Variants in MARCHF1 observed in about 807,000 individuals in gnomAD.
MARCHF1 encodes membrane associated ring-CH-type finger 1, also known as E3 ubiquitin-protein ligase MARCHF1.
Under a neutral mutation model 54.2 loss-of-function variants are expected in MARCHF1, and 40 were observed. The observed-to-expected ratio is 0.74, with a 90% CI of 0.57 to 0.96. The LOEUF (loss-of-function observed/expected upper bound fraction) is 0.96, where lower values mean the gene tolerates loss of function less well. Ranked by LOEUF, MARCHF1 falls within the 40% of genes least tolerant of loss-of-function variation. The pLI is 0.00. For missense variants in MARCHF1, 586 were observed against 656.5 expected (o/e 0.89, Z 1.17); for synonymous variants, 236 against 236.3 (o/e 1.00, Z 0.01).
At chr4:163,978,098 T>C (rs1056368351) in intron 3 of MARCHF1, among the ~76,000 whole-genome samples, 3 of 152,230 alleles carry the variant, frequency 2.0e-5, no homozygotes, top group Non-Finnish European at 4.4e-5. Context: ...AATTCTGAGA[T>C]TGACACCAAA....
intron 1 of MARCHF1, among the ~76,000 whole-genome samples, chr4:164,211,692 A>C (rs1731779073): frequency 1.3e-5 from 2 of 151,996 alleles, no homozygotes; most frequent in Non-Finnish European, 2.9e-5. Context: ...CCTTATAGAA[A>C]CTTGACAATG....
At chr4:163,958,687 T>C (rs770723952) in intron 3 of MARCHF1, among the ~76,000 whole-genome samples, 5 of 151,984 alleles carry the variant, frequency 3.3e-5, no homozygotes, top group Admixed American at 6.6e-5. Context: ...TTTTTTTATA[T>C]TGCTTAGTTG....
At chr4:164,276,980 A>G (rs1200346791) in intron 1 of MARCHF1, among the ~76,000 whole-genome samples, 4 of 149,774 alleles carry the variant, frequency 2.7e-5, no homozygotes, top group Non-Finnish European at 5.9e-5. Flanking sequence ...AGAGAGAGAG[A>G]GAAAATATAT....
rs56078371 is a variant in MARCHF1, at chr4:163,733,256, T to C, written c.112-32393A>G. ...ATATATATATACACGTGTATATATA[T>C]ATACACACACACACACACACAGACA... On this transcript the variant is annotated intron_variant, in intron 4 of 9. Coordinates refer to ENST00000514618, the MANE Select transcript of MARCHF1 (RefSeq NM_001394959.1). 8.3e-3 allele frequency among the ~76,000 whole-genome samples: 359 copies of C among 43,126 alleles called. 48 individuals carry two copies. Among genetic ancestry groups the C allele is most frequent in the Non-Finnish European group, 0.017 (269 of 15,502 alleles). 28.3% of individuals were successfully genotyped at this position (43,126 alleles called of 152,430 possible).
chr4:163,927,200 G>T (rs1466886990), intron 3 of MARCHF1, among the ~76,000 whole-genome samples: 1 of 151,732 alleles, frequency 6.6e-6, no homozygotes, highest in Non-Finnish European at 1.5e-5. Flanking sequence ...GATGTGATTA[G>T]TGTTCCCTTC....
intron 1 of MARCHF1, among the ~76,000 whole-genome samples, chr4:164,277,544 T>A (rs1733918486): frequency 6.6e-6 from 1 of 152,240 alleles, no homozygotes; most frequent in Admixed American, 6.5e-5. Flanking sequence ...ATTCTGTACA[T>A]GTTCTTCCTC....
intron 2 of MARCHF1, among the ~76,000 whole-genome samples, chr4:163,995,894 G>T (rs770779831): frequency 1.3e-5 from 2 of 151,814 alleles, no homozygotes; most frequent in Non-Finnish European, 2.9e-5. Flanking sequence ...TAAAGCATAG[G>T]TATGTTTTAA....
chr4:163,549,926 C>T (rs914254963), intron 8 of MARCHF1, among the ~76,000 whole-genome samples: 3 of 152,106 alleles, frequency 2.0e-5, no homozygotes, highest in African/African-American at 7.2e-5. Context: ...AAAGTACTGC[C>T]CACAGAAAAG....
intron 1 of MARCHF1, among the ~76,000 whole-genome samples, chr4:164,140,980 A>G (rs1319764062): frequency 6.6e-6 from 1 of 152,162 alleles, no homozygotes; most frequent in Non-Finnish European, 1.5e-5. Context: ...CCTATTTGCT[A>G]CCCCACGTGT....
At chr4:164,210,332 A>C (rs1401101944) in intron 1 of MARCHF1, among the ~76,000 whole-genome samples, 1 of 152,194 alleles carries the variant, frequency 6.6e-6, no homozygotes, top group Non-Finnish European at 1.5e-5. Context: ...TTATATAGAG[A>C]AGATGCAGAA....
intron 1 of MARCHF1, among the ~76,000 whole-genome samples, chr4:164,176,976 C>CTATATA (rs1279533259): frequency 3.7e-4 from 12 of 32,856 alleles, no homozygotes; most frequent in East Asian, 1.2e-3. Context: ...CTCTCTCTCT[C>CTATATA]TCTCTATATA....
intron 2 of MARCHF1, among the ~76,000 whole-genome samples, chr4:164,024,255 A>G (rs1753723616): frequency 6.6e-6 from 1 of 152,122 alleles, no homozygotes; most frequent in South Asian, 2.1e-4. Flanking sequence ...TAGATACCAT[A>G]CAAGTTGACC....
intron 2 of MARCHF1, among the ~76,000 whole-genome samples, chr4:164,081,940 T>C (rs1755109860): frequency 6.6e-6 from 1 of 151,662 alleles, no homozygotes; most frequent in African/African-American, 2.4e-5. Flanking sequence ...ACAGACATAA[T>C]CTAAGGACAC....
At chr4:163,797,846 G>T (rs933064305) in intron 4 of MARCHF1, among the ~76,000 whole-genome samples, 11 of 151,800 alleles carry the variant, frequency 7.2e-5, no homozygotes, top group African/African-American at 2.2e-4. Flanking sequence ...AAGTATTTTT[G>T]AGTCTAAGCC....
intron 3 of MARCHF1, among the ~76,000 whole-genome samples, chr4:163,975,153 C>G (rs189600234): frequency 6.8e-6 from 1 of 147,402 alleles, no homozygotes; most frequent in Admixed American, 7.0e-5. Flanking sequence ...AAGCCAATTT[C>G]TCATAATAAA....
intron 4 of MARCHF1, among the ~76,000 whole-genome samples, chr4:163,846,609 T>C (rs901794762): frequency 6.6e-6 from 1 of 152,164 alleles, no homozygotes; most frequent in Non-Finnish European, 1.5e-5. Flanking sequence ...TTCTAGATTC[T>C]TACTGAAGGC....
chr4:164,141,164 G>C (rs1336022498), intron 1 of MARCHF1, among the ~76,000 whole-genome samples: 2 of 152,174 alleles, frequency 1.3e-5, no homozygotes, highest in South Asian at 2.1e-4. Context: ...TGTAGCAACA[G>C]GCATCAATGA....
chr4:164,102,781 C>A (rs1327178495), intron 2 of MARCHF1, among the ~76,000 whole-genome samples: 3 of 148,062 alleles, frequency 2.0e-5, no homozygotes, highest in Non-Finnish European at 4.5e-5. Flanking sequence ...CTTTAAATGT[C>A]AATGGACTAA....
chr4:164,146,710 T>C (rs1729755363), intron 1 of MARCHF1, among the ~76,000 whole-genome samples: 1 of 152,034 alleles, frequency 6.6e-6, no homozygotes, highest in Admixed American at 6.6e-5. Flanking sequence ...GACCTAAAAC[T>C]ATAAAAACCC....
Sources: allele counts gnomAD v4.1 joint callset (sites outside exome capture counted in the v4.1 genomes callset), GRCh38; gene constraint gnomAD v4.1.1; transcripts MANE v1.5; gene names NCBI Gene and HGNC (gene_info 2026-07-23, HGNC 2026-07-21).